Variants in SIPA1L3 observed in about 807,000 individuals in gnomAD.
SIPA1L3 encodes signal-induced proliferation-associated 1-like protein 3.
In SIPA1L3, 59 loss-of-function variants were observed where a neutral mutation model predicts 150.1. The observed-to-expected ratio is 0.39, with a 90% CI of 0.32 to 0.49. The LOEUF is 0.49. Among genes scored for constraint, SIPA1L3 ranks in the 20% least tolerant of loss-of-function variants. The pLI, the probability that SIPA1L3 is intolerant of heterozygous loss-of-function variation, is 0.86. For synonymous variants in SIPA1L3, 1,070 were observed against 1,077.6 expected, an observed-to-expected ratio of 0.99 and a Z score of 0.14; for missense variants, 2,211 against 2,489.5, an observed-to-expected ratio of 0.89 and a Z score of 2.38.
At chr19:37,993,094 G>A (rs542111781) in intron 1 of SIPA1L3, among the ~76,000 whole-genome samples, 4 of 152,312 alleles carry the variant, frequency 2.6e-5, no homozygotes, top group African/African-American at 9.6e-5. Context: ...GGGCAATGGA[G>A]GGTGGGCCCT....
intron 15 of SIPA1L3, among the ~76,000 whole-genome samples, chr19:38,166,366 A>T (rs1202858367): frequency 6.6e-6 from 1 of 151,692 alleles, no homozygotes; most frequent in African/African-American, 2.4e-5. Context: ...CTGAGGCAGG[A>T]GAATCGCTTG....
intron 8 of SIPA1L3, among the ~76,000 whole-genome samples, chr19:38,116,541 AG>A (rs551162037): frequency 0.019 from 2,797 of 143,680 alleles, 94 homozygotes; most frequent in African/African-American, 0.064. Context: ...AAAAAAAAAA[AG>A]AAAGAAAGAA....
At chr19:38,098,392 ATTTTTTTTTTTT>A (rs71179411) in intron 4 of SIPA1L3, among the ~76,000 whole-genome samples, 1 of 113,696 alleles carries the variant, frequency 8.8e-6, no homozygotes, top group African/African-American at 3.4e-5. Context: ...AGGGGCTTTC[ATTTTTTTTTTTT>A]TTTTTTTTTT....
intron 4 of SIPA1L3, among the ~76,000 whole-genome samples, chr19:38,097,713 C>T (rs538909230): frequency 1.4e-4 from 22 of 152,272 alleles, no homozygotes; most frequent in East Asian, 5.8e-4. Context: ...TGCGCCACCA[C>T]GCCCGGCTAA....
At chr19:37,980,791 C>T (rs569326527) in intron 1 of SIPA1L3, among the ~76,000 whole-genome samples, 1 of 152,280 alleles carries the variant, frequency 6.6e-6, no homozygotes, top group South Asian at 2.1e-4. Flanking sequence ...CAAGGAGAGG[C>T]CAAGAATGTC....
At chr19:38,059,431 G>A (rs1005632637) in intron 2 of SIPA1L3, among the ~76,000 whole-genome samples, 9 of 151,096 alleles carry the variant, frequency 6.0e-5, no homozygotes, top group African/African-American at 2.0e-4. Flanking sequence ...AACCTCCTGA[G>A]TAGCTGGGAC....
intron 1 of SIPA1L3, among the ~76,000 whole-genome samples, chr19:38,000,674 C>CTTT (rs35100127): frequency 3.8e-5 from 5 of 132,638 alleles, no homozygotes; most frequent in African/African-American, 5.6e-5. Context: ...GGGCAAAAGA[C>CTTT]TTTTTTTTTT....
At chr19:37,991,505 C>T (rs967901717) in intron 1 of SIPA1L3, among the ~76,000 whole-genome samples, 11 of 152,180 alleles carry the variant, frequency 7.2e-5, no homozygotes, top group Non-Finnish European at 1.6e-4. Flanking sequence ...TGGAGGAAAA[C>T]CTGAAGGCAG....
chr19:38,154,779 T>G (rs555031451), intron 13 of SIPA1L3, among the ~76,000 whole-genome samples: 40 of 150,998 alleles, frequency 2.6e-4, no homozygotes, highest in African/African-American at 9.7e-4. Flanking sequence ...TTTTTTTTTT[T>G]GAGACAGAGT....
intron 13 of SIPA1L3, among the ~76,000 whole-genome samples, chr19:38,156,740 G>A (rs532214128): frequency 2.5e-4 from 38 of 152,226 alleles, no homozygotes; most frequent in African/African-American, 9.1e-4. Flanking sequence ...CAGGAGAATC[G>A]CTTGAACCCG....
intron 2 of SIPA1L3, among the ~76,000 whole-genome samples, chr19:38,070,546 G>A (rs567518819): frequency 7.0e-4 from 107 of 152,282 alleles, no homozygotes; most frequent in African/African-American, 2.5e-3. Flanking sequence ...GTAAATGAAT[G>A]GATTTCGAGT....
At position 38,119,324 on chromosome 19, in the gene SIPA1L3, C is replaced by T. The variant is rs975778000; in HGVS notation, c.2310C>T (p.Ser770=). 1 of 1,613,994 alleles carries T rather than the reference C, an allele frequency of 6.2e-7. No individual in the cohort carries two copies. Residue 770 remains serine (S), a synonymous_variant, in exon 9 of 22, where the codon TCC becomes TCT. Coordinates refer to ENST00000222345, the MANE Select transcript of SIPA1L3 (RefSeq NM_015073.3). The part of the protein sequence containing the change: ...NVCYSMAVTR[S]KDAPPFGPPI... ...TCCACAGTATGGCTGTGACCCGATC[C>T]AAAGACGCTCCTCCTTTCGGCCCCC... is the stretch of plus-strand genomic sequence containing the variant.
chr19:38,148,865 A>G (rs947078689), intron 12 of SIPA1L3, among the ~76,000 whole-genome samples: 1 of 152,208 alleles, frequency 6.6e-6, no homozygotes, highest in Non-Finnish European at 1.5e-5. Flanking sequence ...GTTATCTTCC[A>G]AGAAGAGATA....
intron 12 of SIPA1L3, among the ~76,000 whole-genome samples, chr19:38,145,496 G>A (rs1971683040): frequency 6.9e-6 from 1 of 144,434 alleles, no homozygotes; most frequent in African/African-American, 2.6e-5. Context: ...CTGTGGCACT[G>A]CACTCCAGCC....
At chr19:37,924,740 C>T (rs2046487394) in intron 1 of SIPA1L3, among the ~76,000 whole-genome samples, 2 of 151,154 alleles carry the variant, frequency 1.3e-5, no homozygotes, top group Non-Finnish European at 2.9e-5. Flanking sequence ...ATTTATTATC[C>T]TTATCAAGTG....
At chr19:38,157,821 G>A (rs546515454) in intron 13 of SIPA1L3, among the ~76,000 whole-genome samples, 14 of 152,294 alleles carry the variant, frequency 9.2e-5, no homozygotes, top group Non-Finnish European at 7.3e-5. Context: ...CAGGCTGGGC[G>A]CCAGGGATAC....
intron 1 of SIPA1L3, among the ~76,000 whole-genome samples, chr19:37,988,542 G>T (rs1181659897): frequency 6.6e-6 from 1 of 152,068 alleles, no homozygotes; most frequent in Non-Finnish European, 1.5e-5. Context: ...CAGACATGGT[G>T]GTGGGCACCT....
intron 4 of SIPA1L3, among the ~76,000 whole-genome samples, chr19:38,090,136 C>T (rs968247233): frequency 6.6e-6 from 1 of 152,018 alleles, no homozygotes; most frequent in Non-Finnish European, 1.5e-5. Flanking sequence ...TCGAGACCAG[C>T]CTGGCCAACA....
intron 2 of SIPA1L3, among the ~76,000 whole-genome samples, chr19:38,069,035 C>T (rs1229554032): frequency 1.3e-5 from 2 of 152,168 alleles, no homozygotes; most frequent in African/African-American, 4.8e-5. Context: ...CACTGCCCCG[C>T]CCACATGTGA....
Sources: allele counts gnomAD v4.1 joint callset (sites outside exome capture counted in the v4.1 genomes callset), GRCh38; gene constraint gnomAD v4.1.1; transcripts MANE v1.5; gene names NCBI Gene and HGNC (gene_info 2026-07-23, HGNC 2026-07-21).